CCL5: variants seen among roughly 807,000 people sequenced by gnomAD.
CCL5 encodes C-C motif chemokine 5.
Under a neutral mutation model 9.0 loss-of-function variants are expected in CCL5, and 5 were observed. The ratio of observed to expected loss-of-function variants is 0.55; its 90% CI spans 0.29 to 1.16. The LOEUF (loss-of-function observed/expected upper bound fraction) is 1.16. Among genes scored for constraint, CCL5 ranks in the 50% most tolerant of loss-of-function variants. The pLI is 0.08. For missense variants in CCL5, 183 were observed against 183.2 expected (o/e 1.00, Z 0.01); for synonymous variants, 66 against 72.0 (o/e 0.92, Z 0.42).
At chr17:35,874,892 G>C (rs193093453) in intron 3 of CCL5, among the ~76,000 whole-genome samples, 46 of 152,238 alleles carry the variant, frequency 3.0e-4, no homozygotes, top group African/African-American at 1.1e-3. Flanking sequence ...GATCACAGAC[G>C]TGAGCCACCG....
At chr17:35,872,993 G>A (rs933385330) in intron 3 of CCL5, among the ~76,000 whole-genome samples, 36 of 147,912 alleles carry the variant, frequency 2.4e-4, no homozygotes, top group African/African-American at 8.3e-4. Context: ...GGGTTCAAGC[G>A]GTTCTCCTGC....
chr17:35,878,562 A>G lies in CCL5; in HGVS notation c.154T>C (p.Tyr52His), dbSNP rs1394941832. 6.2e-7 allele frequency: 1 copy of G among 1,614,054 alleles called. No individual in the cohort carries two copies. The highest frequency in any genetic ancestry group is 1.1e-5 in the South Asian group (1 of 91,082). The change falls in exon 2 of 4, where the codon TAC (tyrosine) becomes CAC (histidine). Residue 52 changes from tyrosine (Y) to histidine (H), a missense_variant. Tyr to His is a moderately conservative substitution (Grantham distance 83). Coordinates refer to ENST00000651122, the MANE Select transcript of CCL5 (RefSeq NM_001278736.2). ...GGGTTGGAGCACTTGCCACTGGTGT[A>G]GAAATACTCCTTGATGTGGGCACGG... is the stretch of plus-strand genomic sequence containing the variant.
intron 3 of CCL5, among the ~76,000 whole-genome samples, chr17:35,872,715 T>C (rs1418891540): frequency 6.6e-6 from 1 of 152,148 alleles, no homozygotes; most frequent in African/African-American, 2.4e-5. Flanking sequence ...GCATGTAGCC[T>C]GAAAAGCTAA....
intron 2 of CCL5, among the ~76,000 whole-genome samples, chr17:35,877,283 G>A (rs774989280): frequency 2.0e-5 from 3 of 152,190 alleles, no homozygotes; most frequent in Non-Finnish European, 4.4e-5. Flanking sequence ...GCTGAGGCAA[G>A]AGAATTGCTT....
At position 35,873,237 on chromosome 17, in the gene CCL5, G is replaced by T. The variant is rs28912072; in HGVS notation, c.271-773C>A. Among the ~76,000 whole-genome samples, 11 of 147,336 alleles carry T rather than the reference G, an allele frequency of 7.5e-5. 1 individual carries two copies. In the East Asian group the frequency reaches 2.2e-3, roughly 30 times the overall value. ...CGGAGTCTCACTGTCACCCAGGCTG[G>T]AGTGCAGTGGCACGATCTCAGCTCA... is the stretch of plus-strand genomic sequence containing the variant. On this transcript the variant is annotated intron_variant, in intron 3 of 3. Transcript: ENST00000651122.
At chr17:35,874,926 T>A (rs951079793) in intron 3 of CCL5, among the ~76,000 whole-genome samples, 1 of 152,130 alleles carries the variant, frequency 6.6e-6, no homozygotes, top group African/African-American at 2.4e-5. Context: ...GTTTATTTTT[T>A]AAATCTTATT....
intron 3 of CCL5, among the ~76,000 whole-genome samples, chr17:35,872,837 G>T (rs888751196): frequency 6.6e-6 from 1 of 152,134 alleles, no homozygotes; most frequent in Non-Finnish European, 1.5e-5. Flanking sequence ...GAGAGAATAA[G>T]GTGTCCCTCA....
chr17:35,872,613 C>T (rs536988547), intron 3 of CCL5, 149 bp from the exon 3 acceptor site: 266 of 662,112 alleles, frequency 4.0e-4, no homozygotes, highest in Non-Finnish European at 6.5e-4. Flanking sequence ...TTATTTGTGG[C>T]TTTTAAGGAG....
intron 2 of CCL5, among the ~76,000 whole-genome samples, chr17:35,876,918 T>C (rs1480078415): frequency 1.3e-5 from 2 of 151,972 alleles, no homozygotes; most frequent in South Asian, 2.1e-4. Context: ...GTGTTTCCTC[T>C]CTCTTTCCCT....
chr17:35,874,387 C>G (rs1043750068), intron 3 of CCL5, among the ~76,000 whole-genome samples: 3 of 152,124 alleles, frequency 2.0e-5, no homozygotes, highest in Non-Finnish European at 4.4e-5. Context: ...CCTCAACCTC[C>G]TGGGCTCAAG....
intron 3 of CCL5, among the ~76,000 whole-genome samples, chr17:35,873,032 G>A (rs1007840590): frequency 2.6e-5 from 4 of 151,784 alleles, no homozygotes; most frequent in African/African-American, 9.7e-5. Flanking sequence ...TGAGACTACT[G>A]GCGCCCGCCA....
At chr17:35,879,855 T>G (rs1445178856) in intron 1 of CCL5, among the ~76,000 whole-genome samples, 2 of 152,134 alleles carry the variant, frequency 1.3e-5, no homozygotes, top group Non-Finnish European at 2.9e-5. Context: ...AGTTTTAGTT[T>G]AGTTAAATTT....
chr17:35,873,317 A>G (rs1025379463), intron 3 of CCL5, among the ~76,000 whole-genome samples: 1 of 151,726 alleles, frequency 6.6e-6, no homozygotes, highest in East Asian at 1.9e-4. Context: ...CCTCCTGAGT[A>G]GTTGGGACTA....
At chr17:35,873,251 G>T (rs1339685714) in intron 3 of CCL5, among the ~76,000 whole-genome samples, 1 of 147,072 alleles carries the variant, frequency 6.8e-6, no homozygotes, top group Non-Finnish European at 1.5e-5. Context: ...GCAGTGGCAC[G>T]ATCTCAGCTC....
chr17:35,872,492 A>C (rs1568345262), intron 3 of CCL5, 28 bp from the exon 3 acceptor site: 1 of 1,605,766 alleles, frequency 6.2e-7, no homozygotes, highest in South Asian at 1.1e-5. Context: ...AAGAGGGAGG[A>C]TGAGACCTTG....
intron 1 of CCL5, among the ~76,000 whole-genome samples, chr17:35,879,430 C>T (rs1380697447): frequency 2.0e-5 from 3 of 152,054 alleles, no homozygotes; most frequent in Non-Finnish European, 4.4e-5. Flanking sequence ...GTCAAGAGAT[C>T]GAGACCATCC....
intron 2 of CCL5, 104 bp downstream of exon 2, chr17:35,878,424 G>A: frequency 1.3e-6 from 1 of 747,956 alleles, no homozygotes; most frequent in Non-Finnish European, 2.4e-6. Context: ...TGGAGGAGCT[G>A]TGGCTGCTTG....
In CCL5 at chr17:35,872,231, G is replaced by GCCTCT; in HGVS notation, c.*38_*39insAGAGG. ...AGCCACCACGTCCAGCCTGGGGAAG[G>GCCTCT]TTTTTGTAACTGCTGCTGTGTGGTA... On this transcript the variant is annotated 3_prime_UTR_variant, in exon 4 of 4. Coordinates refer to ENST00000651122, the MANE Select transcript of CCL5 (RefSeq NM_001278736.2). 1 of 1,429,462 alleles carries GCCTCT rather than the reference G, an allele frequency of 7.0e-7. No homozygotes were observed. The highest frequency in any genetic ancestry group is 9.3e-7 in the Non-Finnish European group (1 of 1,078,080). 88.5% of individuals were successfully genotyped at this position (1,429,462 alleles called of 1,614,324 possible). A position where few individuals can be genotyped will look rare whatever the true frequency, so the allele number is the denominator to read the frequency against.
intron 2 of CCL5, among the ~76,000 whole-genome samples, chr17:35,878,210 G>A (rs891982663): frequency 6.8e-6 from 1 of 148,098 alleles, no homozygotes; most frequent in African/African-American, 2.5e-5. Context: ...ATGAACCCAG[G>A]AGGTGGAGCT....
Sources: gnomAD v4.1 joint callset for allele counts (sites outside exome capture counted in the v4.1 genomes callset) on GRCh38, gnomAD v4.1.1 for gene constraint, MANE v1.5 for transcripts, NCBI Gene and HGNC (gene_info 2026-07-23, HGNC 2026-07-21) for gene names.